ANKS1B: variants seen among roughly 807,000 people sequenced by gnomAD.
ANKS1B encodes ankyrin repeat and sterile alpha motif domain-containing protein 1B.
A neutral mutation model predicts 148.3 loss-of-function variants in ANKS1B; 36 were observed. The ratio of observed to expected loss-of-function variants is 0.24; its 90% confidence interval spans 0.19 to 0.32. ANKS1B has a LOEUF of 0.32. Ranked by LOEUF, ANKS1B falls within the 10% of genes least tolerant of loss-of-function variation. ANKS1B has a pLI of 1.00. For synonymous variants in ANKS1B, 542 were observed against 560.8 expected (o/e 0.97, Z 0.47); for missense variants, 1,157 against 1,542.6 (o/e 0.75, Z 4.19).
At chr12:99,617,352 A>G (rs952303314) in intron 9 of ANKS1B, among the ~76,000 whole-genome samples, 2 of 152,190 alleles carry the variant, frequency 1.3e-5, no homozygotes, top group Non-Finnish European at 2.9e-5. Flanking sequence ...TGTTTATTGT[A>G]GCACTATTTA....
chr12:99,408,154 T>C (rs933746069), intron 11 of ANKS1B, among the ~76,000 whole-genome samples: 4 of 145,402 alleles, frequency 2.8e-5, no homozygotes, highest in Admixed American at 2.7e-4. Flanking sequence ...AGCAGACAAA[T>C]AGACCAATGG....
chr12:99,352,549 T>C (rs1409595912), intron 12 of ANKS1B, among the ~76,000 whole-genome samples: 1 of 152,198 alleles, frequency 6.6e-6, no homozygotes, highest in East Asian at 1.9e-4. Context: ...ATCAATGTAA[T>C]GAAACTGTGC....
intron 1 of ANKS1B, among the ~76,000 whole-genome samples, chr12:99,926,327 T>C (rs922110893): frequency 6.6e-6 from 1 of 152,216 alleles, no homozygotes; most frequent in Non-Finnish European, 1.5e-5. Flanking sequence ...TCAAACATTA[T>C]TTGGTGAAGG....
intron 10 of ANKS1B, among the ~76,000 whole-genome samples, chr12:99,490,112 T>C (rs529194822): frequency 1.3e-5 from 2 of 152,354 alleles, no homozygotes; most frequent in Non-Finnish European, 2.9e-5. Context: ...ATGTTTAATA[T>C]GTCTTTGTTG....
intron 12 of ANKS1B, among the ~76,000 whole-genome samples, chr12:99,291,329 T>C: frequency 6.6e-6 from 1 of 152,150 alleles, no homozygotes; most frequent in African/African-American, 2.4e-5. Flanking sequence ...CAAAGCTATG[T>C]GCAGATTCAA....
At chr12:99,206,157 T>C (rs1202864475) in intron 14 of ANKS1B, among the ~76,000 whole-genome samples, 3 of 152,202 alleles carry the variant, frequency 2.0e-5, no homozygotes, top group Non-Finnish European at 4.4e-5. Flanking sequence ...AAGCATTATA[T>C]AACCCAATGT....
intron 10 of ANKS1B, among the ~76,000 whole-genome samples, chr12:99,482,559 T>C (rs2096429125): frequency 6.6e-6 from 1 of 152,076 alleles, no homozygotes; most frequent in Admixed American, 6.6e-5. Context: ...TTTATAATTC[T>C]GTGAAAAATA....
rs372893330 is a variant in ANKS1B at position 99,089,786 on chromosome 12, C to T, written c.2527-4763G>A. ...ATTTCTTTATGGTGGGGCTATAAAT[C>T]TATGCTATGAAAATGACAAGTCCAA... On this transcript the variant is annotated intron_variant, in intron 15 of 26. Transcript: ENST00000683438. Among the ~76,000 whole-genome samples, 5 of 152,330 alleles carry T rather than the reference C, an allele frequency of 3.3e-5. No individual in the cohort carries two copies. The South Asian group carries it at 8.3e-4, about 25-fold the overall frequency.
At chr12:99,575,650 G>A (rs995827477) in intron 9 of ANKS1B, among the ~76,000 whole-genome samples, 2 of 151,926 alleles carry the variant, frequency 1.3e-5, no homozygotes, top group Admixed American at 6.6e-5. Context: ...TCACTACCAC[G>A]AGAACAGTAT....
intron 9 of ANKS1B, among the ~76,000 whole-genome samples, chr12:99,654,434 G>A (rs1222181757): frequency 6.6e-6 from 1 of 152,084 alleles, no homozygotes; most frequent in African/African-American, 2.4e-5. Context: ...TTTTCACCAT[G>A]GCTTCAAATT....
At chr12:99,459,861 C>T (rs1305795122) in intron 10 of ANKS1B, among the ~76,000 whole-genome samples, 1 of 151,958 alleles carries the variant, frequency 6.6e-6, no homozygotes, top group Non-Finnish European at 1.5e-5. Flanking sequence ...AATGCAATTC[C>T]CATCAAATTA....
At chr12:99,453,101 T>C (rs1051174734) in intron 10 of ANKS1B, among the ~76,000 whole-genome samples, 26 of 152,018 alleles carry the variant, frequency 1.7e-4, no homozygotes, top group East Asian at 1.4e-3. Context: ...CCATCCTGGC[T>C]AACATGGTGA....
At chr12:99,003,790 C>T (rs1008961753) in intron 17 of ANKS1B, among the ~76,000 whole-genome samples, 4 of 152,268 alleles carry the variant, frequency 2.6e-5, no homozygotes, top group Admixed American at 1.3e-4. Context: ...CACTGACTAC[C>T]AATGGCACAT....
chr12:99,149,481 T>A (rs983975187), intron 15 of ANKS1B, among the ~76,000 whole-genome samples: 8 of 152,164 alleles, frequency 5.3e-5, no homozygotes, highest in African/African-American at 1.9e-4. Context: ...ATTATTGTTA[T>A]TTCTTATTCT....
At chr12:98,812,802 C>G (rs905679966) in intron 19 of ANKS1B, among the ~76,000 whole-genome samples, 1 of 152,062 alleles carries the variant, frequency 6.6e-6, no homozygotes, top group African/African-American at 2.4e-5. Context: ...GTCTCAAACG[C>G]CTGGCCTCAA....
At chr12:99,821,721 A>G (rs2153679212) in intron 2 of ANKS1B, among the ~76,000 whole-genome samples, 1 of 152,180 alleles carries the variant, frequency 6.6e-6, no homozygotes, top group African/African-American at 2.4e-5. Flanking sequence ...TGCCCATTAG[A>G]TGTAATAGAG....
intron 12 of ANKS1B, among the ~76,000 whole-genome samples, chr12:99,313,172 G>C (rs2154026883): frequency 6.6e-6 from 1 of 152,242 alleles, no homozygotes; most frequent in Middle Eastern, 3.4e-3. Context: ...AGAAAATCTA[G>C]AAGAAATGAA....
chr12:98,854,364 A>G (rs992230329), intron 17 of ANKS1B, among the ~76,000 whole-genome samples: 14 of 152,282 alleles, frequency 9.2e-5, no homozygotes, highest in Non-Finnish European at 1.2e-4. Context: ...GTTCTCCTCC[A>G]TATCTACCAC....
At chr12:99,952,150 A>G (rs1272963177) in intron 1 of ANKS1B, among the ~76,000 whole-genome samples, 1 of 152,176 alleles carries the variant, frequency 6.6e-6, no homozygotes, top group African/African-American at 2.4e-5. Context: ...AATTGATCAA[A>G]TTGGGTCACA....
Sources: gnomAD v4.1 joint callset for allele counts (sites outside exome capture counted in the v4.1 genomes callset) on GRCh38, gnomAD v4.1.1 for gene constraint, MANE v1.5 for transcripts, NCBI Gene and HGNC (gene_info 2026-07-23, HGNC 2026-07-21) for gene names.